CLEC16A: variants seen among roughly 807,000 people sequenced by gnomAD.
The protein encoded by CLEC16A is C-type lectin domain containing 16A.
In CLEC16A, 51 loss-of-function variants were observed where a neutral mutation model predicts 109.5. The ratio of observed to expected loss-of-function variants is 0.47; its 90% CI spans 0.37 to 0.59. The LOEUF (loss-of-function observed/expected upper bound fraction) is 0.59, where lower values mean the gene tolerates loss of function less well. CLEC16A is among the 20% of genes least tolerant of loss of function. CLEC16A has a pLI of 0.00. For synonymous variants in CLEC16A, 673 were observed against 564.2 expected (o/e 1.19, Z -2.73); for missense variants, 1,339 against 1,394.0 (o/e 0.96, Z 0.63).
In CLEC16A at chr16:11,089,306, G is replaced by A. The variant is rs191681303; in HGVS notation, c.2116+28284G>A. On this transcript the variant is annotated intron_variant, in intron 19 of 23. Transcript: ENST00000409790. ...GGGTTTTCCTGCGTCGGGACATCAG[G>A]GTATGAGGGTGGGCTTATCTGCCGT... Among the ~76,000 whole-genome samples the A allele has an allele frequency of 2.6e-5, 4 of 152,256 alleles. No homozygotes were observed. The East Asian group carries it at 7.7e-4, about 29-fold the overall frequency.
chr16:11,004,681 T>C (rs2044882913), intron 11 of CLEC16A, among the ~76,000 whole-genome samples: 1 of 152,182 alleles, frequency 6.6e-6, no homozygotes, highest in African/African-American at 2.4e-5. Context: ...CCACCTTGCT[T>C]GCTCCATCAT....
intron 2 of CLEC16A, among the ~76,000 whole-genome samples, chr16:10,959,710 A>T (rs530738140): frequency 1.5e-3 from 224 of 151,656 alleles, no homozygotes; most frequent in African/African-American, 5.1e-3. Flanking sequence ...TTTTTTTTAA[A>T]TATCTTTTTG....
At chr16:10,981,413 G>A (rs1388342246) in intron 9 of CLEC16A, among the ~76,000 whole-genome samples, 1 of 152,210 alleles carries the variant, frequency 6.6e-6, no homozygotes, top group Non-Finnish European at 1.5e-5. Flanking sequence ...TGTGGTCTCT[G>A]TGATAGAAAA....
intron 19 of CLEC16A, among the ~76,000 whole-genome samples, chr16:11,074,124 A>G (rs960671003): frequency 5.3e-5 from 8 of 151,854 alleles, no homozygotes; most frequent in East Asian, 1.9e-4. Flanking sequence ...TAACCTCTCT[A>G]AGGGCTAAAA....
intron 22 of CLEC16A, among the ~76,000 whole-genome samples, chr16:11,137,526 C>T (rs1249815637): frequency 1.5e-5 from 2 of 136,394 alleles, no homozygotes; most frequent in East Asian, 2.2e-4. Context: ...GAGGCCGAGG[C>T]GAGTGGATCA....
At chr16:11,170,465 A>G (rs1297452667) in intron 23 of CLEC16A, among the ~76,000 whole-genome samples, 2 of 152,184 alleles carry the variant, frequency 1.3e-5, no homozygotes, top group South Asian at 4.1e-4. Context: ...TTCCTGCCTG[A>G]GTTTGAAAAC....
At chr16:11,139,056 G>A (rs1349108577) in intron 22 of CLEC16A, among the ~76,000 whole-genome samples, 5 of 150,232 alleles carry the variant, frequency 3.3e-5, no homozygotes, top group African/African-American at 1.2e-4. Context: ...TTCCCTCCCC[G>A]AATGTTCTCT....
intron 17 of CLEC16A, among the ~76,000 whole-genome samples, chr16:11,050,490 G>C (rs2047882643): frequency 6.6e-6 from 1 of 152,234 alleles, no homozygotes; most frequent in Non-Finnish European, 1.5e-5. Context: ...ATGTTTGAAA[G>C]AGTAAAATGA....
chr16:11,042,347 A>C lies in CLEC16A; in HGVS notation c.1754A>C (p.His585Pro), dbSNP rs201373207. Residue 585 changes from histidine to proline, a missense_variant, in exon 15 of 24, where the codon CAC becomes CCC. Physicochemically the swap from His to Pro is moderately conservative, Grantham distance 77 (BLOSUM62 -2). This residue lies in a region of CLEC16A where 1,061 missense variants were observed against 1,006.8 expected (regional missense o/e 1.05). Transcript: ENST00000409790. ...MSAGCIMKDV[H>P]LACLEGAREE... ...GCTGGCTGCATCATGAAGGACGTGC[A>C]CCTGGCCTGCCTGGAGGTAACGCCC... The C allele has an allele frequency of 3.4e-4, 535 of 1,586,380 alleles. 5 individuals carry two copies. The Middle Eastern group carries it at 0.018, about 53-fold the overall frequency.
At chr16:11,043,261 C>G (rs1003929262) in intron 15 of CLEC16A, among the ~76,000 whole-genome samples, 1 of 151,910 alleles carries the variant, frequency 6.6e-6, no homozygotes, top group Admixed American at 6.6e-5. Context: ...TCTAAAAAAA[C>G]AAAAAAGATT....
chr16:11,143,923 G>A (rs1251272113), intron 22 of CLEC16A, among the ~76,000 whole-genome samples: 1 of 152,148 alleles, frequency 6.6e-6, no homozygotes, highest in Non-Finnish European at 1.5e-5. Context: ...CTCCTGCTCT[G>A]TGTTCTCATT....
chr16:11,106,456 A>ATTTTTTTTTTTTTTTTTTTTTT (rs538713695), intron 19 of CLEC16A, among the ~76,000 whole-genome samples: 1 of 133,560 alleles, frequency 7.5e-6, no homozygotes. Flanking sequence ...ACCCAGCCCA[A>ATTTTTTTTTTTTTTTTTTTTTT]TTTTTTTTTT....
chr16:10,982,261 C>CT (rs1420118073), intron 9 of CLEC16A, among the ~76,000 whole-genome samples: 1 of 152,198 alleles, frequency 6.6e-6, no homozygotes, highest in African/African-American at 2.4e-5. Context: ...AGGCAGCCCT[C>CT]TGATTTTGCA....
At chr16:11,025,878 T>C (rs1845863239) in intron 13 of CLEC16A, among the ~76,000 whole-genome samples, 1 of 152,176 alleles carries the variant, frequency 6.6e-6, no homozygotes, top group Non-Finnish European at 1.5e-5. Flanking sequence ...GCTACCGGTT[T>C]CTCTTGTGTC....
At chr16:10,996,079 G>A (rs2044309547) in intron 10 of CLEC16A, among the ~76,000 whole-genome samples, 1 of 152,146 alleles carries the variant, frequency 6.6e-6, no homozygotes, top group Non-Finnish European at 1.5e-5. Context: ...GCTGCCTGGT[G>A]CCCTTACATC....
chr16:11,130,462 T>C (rs1288714191), intron 22 of CLEC16A, among the ~76,000 whole-genome samples: 3 of 152,220 alleles, frequency 2.0e-5, no homozygotes, highest in African/African-American at 7.2e-5. Flanking sequence ...GCAAGATGTG[T>C]GTCCAAGGAC....
intron 22 of CLEC16A, among the ~76,000 whole-genome samples, chr16:11,139,039 G>C (rs1331763226): frequency 6.7e-6 from 1 of 148,490 alleles, no homozygotes; most frequent in Non-Finnish European, 1.5e-5. Context: ...TCTTAAGAAG[G>C]CTTGGTTTCC....
chr16:11,052,940 C>A lies in CLEC16A; in HGVS notation c.1995+1299C>A, dbSNP rs916674729. Among the ~76,000 whole-genome samples, 5 of 152,198 alleles carry A rather than the reference C, an allele frequency of 3.3e-5. No homozygotes were observed. In the Middle Eastern group the frequency reaches 0.01, roughly 311 times the overall value. The stretch of plus-strand genomic sequence containing the variant: ...AGGCTGCAGTGAGCTGTGATCCATC[C>A]TGGAGTGCAGTGTTGCGATCATAGC... On this transcript the variant is annotated intron_variant, in intron 18 of 23. Coordinates refer to ENST00000409790, the MANE Select transcript of CLEC16A (RefSeq NM_015226.3).
chr16:11,054,002 C>T (rs2048081973), intron 18 of CLEC16A, among the ~76,000 whole-genome samples: 1 of 152,240 alleles, frequency 6.6e-6, no homozygotes, highest in Admixed American at 6.5e-5. Context: ...GGAAGTGGGA[C>T]AGGCATCAGA....
Sources: allele counts gnomAD v4.1 joint callset (sites outside exome capture counted in the v4.1 genomes callset), GRCh38; gene constraint gnomAD v4.1.1; regional missense constraint gnomAD v4.1.1; transcripts MANE v1.5; gene names NCBI Gene and HGNC (gene_info 2026-07-23, HGNC 2026-07-21).